Variants in TBL1XR1 observed in about 807,000 individuals in gnomAD.
TBL1XR1 encodes the protein F-box-like/WD repeat-containing protein TBL1XR1.
A neutral mutation model predicts 66.9 loss-of-function variants in TBL1XR1; 5 were observed. The observed-to-expected ratio is 0.07, with a 90% confidence interval of 0.04 to 0.16. TBL1XR1 has a LOEUF of 0.16. TBL1XR1 is among the 10% of genes least tolerant of loss of function. TBL1XR1 has a pLI of 1.00. For synonymous variants in TBL1XR1, 210 were observed against 206.0 expected (o/e 1.02, Z -0.17); for missense variants, 238 against 623.2 (o/e 0.38, Z 6.58).
chr3:177,199,352 G>T (rs1486464569), upstream of TBL1XR1, among the ~76,000 whole-genome samples: 1 of 148,100 alleles, frequency 6.8e-6, no homozygotes, highest in Non-Finnish European at 1.5e-5. Context: ...CTTTATTTCA[G>T]AATTGAAAAG....
At chr3:177,181,362 C>A (rs926030080) in intron 1 of TBL1XR1, among the ~76,000 whole-genome samples, 26 of 151,982 alleles carry the variant, frequency 1.7e-4, no homozygotes, top group African/African-American at 6.3e-4. Flanking sequence ...CGCCTATAAT[C>A]CCAGCTACTC....
At position 177,053,001 on chromosome 3, in the gene TBL1XR1, C is replaced by A. The variant is rs1717301985; in HGVS notation, c.204+772G>T. Among the ~76,000 whole-genome samples, 5 of 152,286 alleles carry A rather than the reference C, an allele frequency of 3.3e-5. No individual in the cohort carries two copies. The South Asian group carries it at 1.0e-3, about 32-fold the overall frequency. On this transcript the variant is annotated intron_variant, in intron 4 of 15. Coordinates refer to ENST00000457928, the MANE Select transcript of TBL1XR1 (RefSeq NM_024665.7). ...CCTATAATCCCAGCTGCTAAGGAGG[C>A]AGAGGCAGGACAATCGCTTGAACCC...
At chr3:177,160,726 TG>T (rs1302741578) in intron 1 of TBL1XR1, 1 of 152,130 alleles carries the variant, frequency 6.6e-6, no homozygotes, top group Admixed American at 6.6e-5. Context: ...CCAGGCGTGG[TG>T]GTTCACACCT....
intron 2 of TBL1XR1, among the ~76,000 whole-genome samples, chr3:177,095,451 T>C (rs1466626335): frequency 6.6e-6 from 1 of 151,822 alleles, no homozygotes; most frequent in East Asian, 1.9e-4. Flanking sequence ...TGAAACATTT[T>C]ATACAGGAAA....
At chr3:177,029,967 T>C (rs956942267) in intron 14 of TBL1XR1, among the ~76,000 whole-genome samples, 2 of 151,934 alleles carry the variant, frequency 1.3e-5, no homozygotes, top group Non-Finnish European at 2.9e-5. Flanking sequence ...TAAAGGAAAA[T>C]GGGAAATCCT....
Position 177,082,741 on chromosome 3 carries a change from TATATATA to T in TBL1XR1, c.-46+15718_-46+15724del, listed in dbSNP as rs1560153930. On this transcript the variant is annotated intron_variant, in intron 2 of 15. Transcript: ENST00000457928. ...TACTAAATTTCTAAGATAGAGATTA[TATATATA>T]TATATATATATATATATATGAATAT... 3.8e-4 allele frequency among the ~76,000 whole-genome samples: 30 copies of T among 79,512 alleles called. 2 individuals are homozygous for T. Among genetic ancestry groups the T allele is most frequent in the African/African-American group, 8.9e-4 (22 of 24,714 alleles). 52.2% of individuals were successfully genotyped at this position (79,512 alleles called of 152,430 possible).
chr3:177,046,750 G>A (rs1376108939), intron 9 of TBL1XR1, among the ~76,000 whole-genome samples: 1 of 152,056 alleles, frequency 6.6e-6, no homozygotes, highest in Non-Finnish European at 1.5e-5. Context: ...ATTTTATAAA[G>A]AGTGAACTAG....
chr3:177,132,003 T>C (rs1466245444), intron 1 of TBL1XR1, among the ~76,000 whole-genome samples: 2 of 151,626 alleles, frequency 1.3e-5, no homozygotes, highest in African/African-American at 4.8e-5. Flanking sequence ...AGAGAGGTAA[T>C]GGCATGGCAC....
At chr3:177,127,579 T>A (rs1419998360) in intron 1 of TBL1XR1, among the ~76,000 whole-genome samples, 2 of 152,198 alleles carry the variant, frequency 1.3e-5, no homozygotes, top group African/African-American at 4.8e-5. Flanking sequence ...TCTGGCAATT[T>A]AGGGAAGACC....
intron 1 of TBL1XR1, among the ~76,000 whole-genome samples, chr3:177,184,287 C>T (rs1167147211): frequency 6.6e-6 from 1 of 152,156 alleles, no homozygotes; most frequent in Non-Finnish European, 1.5e-5. Flanking sequence ...ATGACAGGAT[C>T]GGTGCAGTAT....
At chr3:177,116,117 G>T (rs1186401961) in intron 1 of TBL1XR1, among the ~76,000 whole-genome samples, 1 of 152,056 alleles carries the variant, frequency 6.6e-6, no homozygotes, top group Non-Finnish European at 1.5e-5. Flanking sequence ...ATGGAATTTT[G>T]AAAAACAGTA....
intron 10 of TBL1XR1, among the ~76,000 whole-genome samples, chr3:177,038,646 C>T (rs922982728): frequency 6.6e-6 from 1 of 152,126 alleles, no homozygotes; most frequent in Admixed American, 6.5e-5. Flanking sequence ...CTAGGTGAGA[C>T]AGACCCTAAG....
intron 12 of TBL1XR1, chr3:177,037,356 T>TA (rs1714942575): frequency 6.6e-6 from 1 of 152,232 alleles, no homozygotes. Context: ...CTATTGGTGA[T>TA]GTCTAATTTT....
intron 2 of TBL1XR1, among the ~76,000 whole-genome samples, chr3:177,098,050 A>C (rs1723713312): frequency 6.6e-6 from 1 of 152,098 alleles, no homozygotes; most frequent in Non-Finnish European, 1.5e-5. Flanking sequence ...CTTACTAAAA[A>C]TACAAAAAAT....
intron 2 of TBL1XR1, among the ~76,000 whole-genome samples, chr3:177,080,357 G>A (rs1721245119): frequency 1.3e-5 from 2 of 152,064 alleles, no homozygotes; most frequent in Admixed American, 6.6e-5. Flanking sequence ...CTAGAAAATA[G>A]TACACCTTTG....
chr3:177,150,721 C>T (rs1312964368), intron 1 of TBL1XR1, among the ~76,000 whole-genome samples: 1 of 152,158 alleles, frequency 6.6e-6, no homozygotes, highest in African/African-American at 2.4e-5. Context: ...CTGTGTAGGC[C>T]TCTGTTTAGG....
chr3:177,126,971 C>T (rs900103271), intron 1 of TBL1XR1, among the ~76,000 whole-genome samples: 1 of 152,126 alleles, frequency 6.6e-6, no homozygotes, highest in Non-Finnish European at 1.5e-5. Context: ...TAGCAAAACC[C>T]AGTTTCAGCA....
At chr3:177,047,637 C>T (rs927354359) in intron 7 of TBL1XR1, 88 bp from the exon 8 acceptor site, 1 of 1,417,908 alleles carries the variant, frequency 7.1e-7, no homozygotes, top group African/African-American at 1.4e-5. Context: ...ATCCCAGGTA[C>T]AGAAGAGAAT....
rs923072007 is a variant in TBL1XR1 at position 177,050,254 on chromosome 3, T to C, written c.561-116A>G. ...AAATAAAAACGACTATCACGAATTT[T>C]CATTTCCAGTATTTTTCCCATTCTA... On this transcript the variant is annotated intron_variant, in intron 6 of 15. Transcript: ENST00000457928. The C allele has an allele frequency of 2.9e-6, 4 of 1,376,834 alleles. No individual in the cohort carries two copies. The African/African-American group carries it at 5.8e-5, about 20-fold the overall frequency. 85.3% of individuals were successfully genotyped at this position (1,376,834 alleles called of 1,614,324 possible).
Sources: allele counts gnomAD v4.1 joint callset (sites outside exome capture counted in the v4.1 genomes callset), GRCh38; gene constraint gnomAD v4.1.1; transcripts MANE v1.5; gene names NCBI Gene and HGNC (gene_info 2026-07-23, HGNC 2026-07-21).